The following WDR7 variants were observed in gnomAD, a reference collection of about 807,000 sequenced individuals.
WDR7 encodes the protein WD repeat-containing protein 7.
A neutral mutation model predicts 169.4 loss-of-function variants in WDR7; 46 were observed. That is an observed-to-expected ratio of 0.27 (90% confidence interval 0.21 to 0.35). The LOEUF is 0.35. Ranked by LOEUF, WDR7 falls within the 10% of genes least tolerant of loss-of-function variation. WDR7 has a pLI of 1.00. For missense variants in WDR7, 1,534 were observed against 1,859.3 expected (o/e 0.83, Z 3.22); for synonymous variants, 612 against 666.8 (o/e 0.92, Z 1.27).
At chr18:56,924,225 C>A in intron 22 of WDR7, 117 bp downstream of exon 22, 3 of 1,150,968 alleles carry the variant, frequency 2.6e-6, no homozygotes, top group Non-Finnish European at 3.7e-6. Context: ...AAAAAATACA[C>A]AAATGTTTCA....
At chr18:57,031,778 G>A (rs892960271), downstream of WDR7, 1 of 152,218 alleles carries the variant, frequency 6.6e-6, no homozygotes, top group Non-Finnish European at 1.5e-5. Flanking sequence ...AATTGTAGGG[G>A]TATGAAGTAA....
rs764644859 is a variant in WDR7, at chr18:56,802,575, AGCCAGGAT to A, written c.3191-13454_3191-13447del. ...AGTAGAGACAGGGTTTCACCATGTT[AGCCAGGAT>A]GGTCTCGATCTCCTGACCTCGTGAT... On this transcript the variant is annotated intron_variant, in intron 19 of 27. Coordinates refer to ENST00000254442, the MANE Select transcript of WDR7 (RefSeq NM_015285.3). Among the ~76,000 whole-genome samples the A allele has an allele frequency of 1.7e-3, 240 of 144,276 alleles. 1 individual carries two copies. Among genetic ancestry groups the A allele is most frequent in the Non-Finnish European group, 3.0e-3 (196 of 65,928 alleles). 94.7% of individuals were successfully genotyped at this position (144,276 alleles called of 152,430 possible).
intron 16 of WDR7, among the ~76,000 whole-genome samples, chr18:56,773,573 A>G (rs1487123346): frequency 2.0e-5 from 3 of 152,118 alleles, no homozygotes; most frequent in Non-Finnish European, 4.4e-5. Flanking sequence ...AGCATTGGAG[A>G]TATGATATAT....
chr18:56,718,984 A>G (rs2026255684), intron 13 of WDR7, among the ~76,000 whole-genome samples: 1 of 152,254 alleles, frequency 6.6e-6, no homozygotes, highest in South Asian at 2.1e-4. Context: ...ATAAATAGCC[A>G]TAAGCTTCGG....
chr18:56,706,539 T>C (rs2025959319), intron 12 of WDR7, among the ~76,000 whole-genome samples: 1 of 152,238 alleles, frequency 6.6e-6, no homozygotes. Context: ...GCTTGGCCTG[T>C]AATGAGAGCT....
At chr18:56,707,420 C>T (rs1005538896) in intron 12 of WDR7, among the ~76,000 whole-genome samples, 16 of 148,328 alleles carry the variant, frequency 1.1e-4, no homozygotes, top group African/African-American at 4.0e-4. Context: ...TCTAACTTTG[C>T]GTTTTGTTTT....
intron 13 of WDR7, among the ~76,000 whole-genome samples, chr18:56,718,910 A>AT (rs1475520491): frequency 3.9e-5 from 6 of 152,206 alleles, no homozygotes; most frequent in Non-Finnish European, 7.3e-5. Context: ...TTTTGAAATC[A>AT]GACTATATAC....
intron 27 of WDR7, among the ~76,000 whole-genome samples, chr18:57,021,442 C>T (rs2048290153): frequency 6.6e-6 from 1 of 152,170 alleles, no homozygotes; most frequent in Non-Finnish European, 1.5e-5. Context: ...CTAGTGTTCA[C>T]CTCATGTCCC....
intron 7 of WDR7, 55 bp from the exon 8 acceptor site, chr18:56,691,161 A>G: frequency 1.3e-6 from 2 of 1,554,574 alleles, no homozygotes; most frequent in Non-Finnish European, 1.7e-6. Context: ...ATGTCACTGG[A>G]TCTTACTTTT....
At chr18:56,864,189 A>G (rs931389400) in intron 20 of WDR7, among the ~76,000 whole-genome samples, 6 of 151,722 alleles carry the variant, frequency 4.0e-5, no homozygotes, top group Non-Finnish European at 8.9e-5. Context: ...ATTTCTAAAT[A>G]TTACAGTTTA....
intron 22 of WDR7, among the ~76,000 whole-genome samples, chr18:56,926,368 A>G (rs1277919305): frequency 6.6e-6 from 1 of 152,178 alleles, no homozygotes; most frequent in Non-Finnish European, 1.5e-5. Context: ...AGAAACATTC[A>G]CATTTTTCGA....
intron 21 of WDR7, 61 bp from the exon 22 acceptor site, chr18:56,923,861 A>G: frequency 7.0e-7 from 1 of 1,420,848 alleles, no homozygotes; most frequent in African/African-American, 1.5e-5. Flanking sequence ...GTATGCTTCA[A>G]AAGAAACAAT....
At chr18:56,777,300 CTT>C (rs1209040982) in intron 17 of WDR7, among the ~76,000 whole-genome samples, 1 of 152,174 alleles carries the variant, frequency 6.6e-6, no homozygotes, top group Non-Finnish European at 1.5e-5. Flanking sequence ...GAGGGAATCT[CTT>C]AACATTCTCA....
intron 1 of WDR7, among the ~76,000 whole-genome samples, chr18:56,670,678 T>C (rs1043420120): frequency 6.6e-6 from 1 of 152,024 alleles, no homozygotes; most frequent in Non-Finnish European, 1.5e-5. Flanking sequence ...GCCTGGCTAA[T>C]GTTTGTATTT....
chr18:56,901,984 C>T (rs2046409143), intron 21 of WDR7, among the ~76,000 whole-genome samples: 1 of 152,106 alleles, frequency 6.6e-6, no homozygotes, highest in Admixed American at 6.6e-5. Context: ...GTGGAGAATT[C>T]TTCAGACTTT....
intron 19 of WDR7, among the ~76,000 whole-genome samples, chr18:56,783,652 A>C (rs565651623): frequency 3.8e-4 from 58 of 152,212 alleles, no homozygotes; most frequent in Non-Finnish European, 1.5e-4. Flanking sequence ...GCTATTGCAG[A>C]AGGGAGGTTA....
At position 57,017,223 on chromosome 18, in the gene WDR7, C is replaced by T. The variant is rs894778565; in HGVS notation, c.4165-3522C>T. ...TTACAGTGAGGGTTGAAGCACCTCT[C>T]GGGCTGAGATTGTAATGAACTCACC... On this transcript the variant is annotated intron_variant, in intron 26 of 27. Transcript: ENST00000254442. Among the ~76,000 whole-genome samples, 4 of 152,202 alleles carry T rather than the reference C, an allele frequency of 2.6e-5. No individual in the cohort carries two copies. The South Asian group carries it at 6.2e-4, about 24-fold the overall frequency.
intron 12 of WDR7, among the ~76,000 whole-genome samples, chr18:56,716,984 A>G (rs1367859708): frequency 6.6e-6 from 1 of 152,204 alleles, no homozygotes; most frequent in Non-Finnish European, 1.5e-5. Flanking sequence ...TTTGCTTAGG[A>G]GAACCCCCAG....
intron 27 of WDR7, among the ~76,000 whole-genome samples, chr18:57,024,119 A>G (rs1183556461): frequency 1.3e-5 from 2 of 152,160 alleles, no homozygotes; most frequent in Non-Finnish European, 2.9e-5. Context: ...TTGGGAAAAG[A>G]TATTTCAGGG....
Sources: allele counts gnomAD v4.1 joint callset (sites outside exome capture counted in the v4.1 genomes callset), GRCh38; gene constraint gnomAD v4.1.1; transcripts MANE v1.5; gene names NCBI Gene and HGNC (gene_info 2026-07-23, HGNC 2026-07-21).